The following ACAP2 variants were observed in gnomAD, a reference collection of about 807,000 sequenced individuals.
The protein encoded by ACAP2 is arf-GAP with coiled-coil, ANK repeat and PH domain-containing protein 2.
In ACAP2, 39 loss-of-function variants were observed where a neutral mutation model predicts 115.8. The ratio of observed to expected loss-of-function variants is 0.34; its 90% CI spans 0.26 to 0.44. The LOEUF is 0.44. Among genes scored for constraint, ACAP2 ranks in the 20% least tolerant of loss-of-function variants. The pLI, the probability that ACAP2 is intolerant of heterozygous loss-of-function variation, is 1.00. For missense variants in ACAP2, 662 were observed against 927.6 expected (o/e 0.71, Z 3.72); for synonymous variants, 289 against 315.8 (o/e 0.92, Z 0.90).
chr3:195,351,740 G>A (rs1731624640), intron 4 of ACAP2, among the ~76,000 whole-genome samples: 2 of 152,144 alleles, frequency 1.3e-5, no homozygotes, highest in Admixed American at 6.5e-5. Context: ...TGGGATTACA[G>A]GCGTGAGCCA....
At chr3:195,383,456 A>C (rs1364602806) in intron 2 of ACAP2, among the ~76,000 whole-genome samples, 1 of 152,076 alleles carries the variant, frequency 6.6e-6, no homozygotes. Context: ...GGGACACTGG[A>C]TAGTCATCTG....
chr3:195,416,652 G>A (rs947611072), intron 1 of ACAP2, among the ~76,000 whole-genome samples: 7 of 151,984 alleles, frequency 4.6e-5, no homozygotes, highest in Non-Finnish European at 1.0e-4. Flanking sequence ...TTTTCACAAA[G>A]AAAAATAGGA....
Position 195,277,119 on chromosome 3 carries a change from A to C in ACAP2, c.*2209T>G, listed in dbSNP as rs997029598. On this transcript the variant is annotated 3_prime_UTR_variant, in exon 23 of 23. Coordinates refer to ENST00000326793, the MANE Select transcript of ACAP2 (RefSeq NM_012287.6). ...AGATTCCAGAGGTGATCTGAATGAA[A>C]CACGCACCAATGGCCAGATCCAAAA... 2.0e-5 allele frequency: 3 copies of C among 152,220 alleles called. No homozygotes were observed. The highest frequency in any genetic ancestry group is 7.2e-5 in the African/African-American group (3 of 41,460). 9.4% of individuals were successfully genotyped at this position (152,220 alleles called of 1,614,324 possible).
chr3:195,439,143 A>AT (rs1715812302), intron 1 of ACAP2, among the ~76,000 whole-genome samples: 1 of 151,918 alleles, frequency 6.6e-6, no homozygotes, highest in Non-Finnish European at 1.5e-5. Context: ...TTGTTAAAGG[A>AT]TAAAAATAAA....
chr3:195,435,144 A>T, intron 1 of ACAP2, among the ~76,000 whole-genome samples: 3 of 83,166 alleles, frequency 3.6e-5, no homozygotes, highest in Non-Finnish European at 2.3e-5. Context: ...TTCTTTTTCT[A>T]GTTTGCTGGG....
chr3:195,358,734 T>C (rs1015765784), intron 4 of ACAP2, among the ~76,000 whole-genome samples: 1 of 151,964 alleles, frequency 6.6e-6, no homozygotes, highest in African/African-American at 2.4e-5. Flanking sequence ...ACGGCCTCAA[T>C]AGCAAATCTA....
chr3:195,300,935 T>C (rs1230778770), intron 15 of ACAP2, among the ~76,000 whole-genome samples: 1 of 152,136 alleles, frequency 6.6e-6, no homozygotes, highest in Non-Finnish European at 1.5e-5. Flanking sequence ...CGAGGATTCT[T>C]TGAGCCAAGG....
At chr3:195,378,114 A>T (rs9848201) in intron 4 of ACAP2, among the ~76,000 whole-genome samples, 33,782 of 137,958 alleles carry the variant, frequency 0.24, 4,586 homozygotes, top group East Asian at 0.75. Flanking sequence ...GGAAGGAAGG[A>T]GAGAGAAAGA....
At chr3:195,405,112 AAC>A (rs1712644334) in intron 1 of ACAP2, among the ~76,000 whole-genome samples, 2 of 147,272 alleles carry the variant, frequency 1.4e-5, no homozygotes, top group East Asian at 5.0e-4. Flanking sequence ...TTGCCGCTTA[AAC>A]ACAGTCTAAC....
chr3:195,400,008 G>C (rs563046395), intron 1 of ACAP2, among the ~76,000 whole-genome samples: 1 of 151,690 alleles, frequency 6.6e-6, no homozygotes, highest in African/African-American at 2.4e-5. Context: ...ATGAAACCCT[G>C]TCTCTACTAA....
At chr3:195,298,159 A>T (rs898581170) in intron 15 of ACAP2, among the ~76,000 whole-genome samples, 2 of 152,206 alleles carry the variant, frequency 1.3e-5, no homozygotes, top group East Asian at 3.8e-4. Context: ...ATGAGATAAC[A>T]AGAGGATTAC....
At chr3:195,434,634 C>T (rs1715394503) in intron 1 of ACAP2, among the ~76,000 whole-genome samples, 1 of 152,164 alleles carries the variant, frequency 6.6e-6, no homozygotes, top group Non-Finnish European at 1.5e-5. Context: ...AGTGATGTCT[C>T]CTCTTCTATT....
intron 1 of ACAP2, among the ~76,000 whole-genome samples, chr3:195,409,473 C>G (rs1713073367): frequency 6.6e-6 from 1 of 151,940 alleles, no homozygotes; most frequent in Non-Finnish European, 1.5e-5. Context: ...GAAACATATC[C>G]CATGTTAATG....
At chr3:195,351,656 G>C (rs942337471) in intron 4 of ACAP2, among the ~76,000 whole-genome samples, 3 of 151,324 alleles carry the variant, frequency 2.0e-5, no homozygotes, top group African/African-American at 7.3e-5. Context: ...AGTAGACAAA[G>C]GGTTTCACTG....
intron 3 of ACAP2, among the ~76,000 whole-genome samples, chr3:195,381,694 A>T (rs1733949390): frequency 6.6e-6 from 1 of 152,176 alleles, no homozygotes; most frequent in Non-Finnish European, 1.5e-5. Flanking sequence ...CTAGGTGAGA[A>T]GAGCCATGCT....
chr3:195,334,716 G>C (rs1047699907), intron 7 of ACAP2, among the ~76,000 whole-genome samples: 1 of 152,070 alleles, frequency 6.6e-6, no homozygotes, highest in Non-Finnish European at 1.5e-5. Context: ...CTCAGTGTTG[G>C]TAAAATGTGG....
chr3:195,424,247 G>A (rs1714445361), intron 1 of ACAP2, among the ~76,000 whole-genome samples: 1 of 73,634 alleles, frequency 1.4e-5, no homozygotes, highest in Non-Finnish European at 2.6e-5. Context: ...TGTGTGTGGT[G>A]TGTGTGTGTG....
chr3:195,373,826 A>G (rs1424835302), intron 4 of ACAP2, among the ~76,000 whole-genome samples: 3 of 151,946 alleles, frequency 2.0e-5, no homozygotes, highest in African/African-American at 7.3e-5. Flanking sequence ...TCAGGAGGCT[A>G]AGGTAGGAGA....
intron 1 of ACAP2, among the ~76,000 whole-genome samples, chr3:195,430,364 G>C (rs569876034): frequency 1.3e-5 from 2 of 152,258 alleles, no homozygotes; most frequent in South Asian, 4.1e-4. Context: ...TATATTTTCA[G>C]AGACATACAC....
Sources: allele counts gnomAD v4.1 joint callset (sites outside exome capture counted in the v4.1 genomes callset), GRCh38; gene constraint gnomAD v4.1.1; transcripts MANE v1.5; gene names NCBI Gene and HGNC (gene_info 2026-07-23, HGNC 2026-07-21).